The following RALGPS1 variants were observed in gnomAD, a reference collection of about 807,000 sequenced individuals.
The protein encoded by RALGPS1 is Ral GEF with PH domain and SH3 binding motif 1, also known as ras-specific guanine nucleotide-releasing factor RalGPS1.
RALGPS1 carries 19 observed loss-of-function variants against 78.8 expected under a neutral mutation model. That is an observed-to-expected ratio of 0.24 (90% CI 0.17 to 0.35). The LOEUF (loss-of-function observed/expected upper bound fraction) is 0.35, where lower values mean the gene tolerates loss of function less well. Among genes scored for constraint, RALGPS1 ranks in the 10% least tolerant of loss-of-function variants. The pLI is 1.00. For missense variants in RALGPS1, 454 were observed against 688.3 expected (o/e 0.66, Z 3.81); for synonymous variants, 228 against 256.3 (o/e 0.89, Z 1.06).
intron 8 of RALGPS1, among the ~76,000 whole-genome samples, chr9:127,133,919 G>C (rs542619585): frequency 1.4e-3 from 207 of 152,078 alleles, no homozygotes; most frequent in African/African-American, 4.6e-3. Context: ...CTGACTGAGT[G>C]TTGGCCCTGC....
At chr9:127,112,548 A>G (rs1021446424) in intron 8 of RALGPS1, among the ~76,000 whole-genome samples, 2 of 152,224 alleles carry the variant, frequency 1.3e-5, no homozygotes, top group African/African-American at 4.8e-5. Context: ...GATTTGCACT[A>G]TTTATGGTTG....
intron 4 of RALGPS1, among the ~76,000 whole-genome samples, chr9:127,027,971 C>G (rs1441079101): frequency 1.3e-5 from 2 of 152,228 alleles, no homozygotes; most frequent in Admixed American, 6.5e-5. Context: ...AGCCCAGAGT[C>G]TAGCAGGCCA....
intron 8 of RALGPS1, among the ~76,000 whole-genome samples, chr9:127,110,775 G>A (rs533071767): frequency 8.7e-4 from 133 of 152,068 alleles, no homozygotes; most frequent in African/African-American, 2.2e-3. Context: ...CTAATTCACC[G>A]CCAAATTACG....
In RALGPS1 at chr9:127,211,396, T is replaced by C. The variant is rs1348575650; in HGVS notation, c.1248-735T>C. Among the ~76,000 whole-genome samples, 1 of 152,172 alleles carries C rather than the reference T, an allele frequency of 6.6e-6. No individual in the cohort carries two copies. Among genetic ancestry groups the C allele is most frequent in the African/African-American group, 2.4e-5 (1 of 41,432 alleles). On this transcript the variant is annotated intron_variant, in intron 14 of 18. Transcript: ENST00000259351. This position sits in a 1 kb window ranked among gnomAD's most constrained non-coding sequence, Gnocchi z 5.0. Reference sequence around the variant, plus strand: ...CTGAGGTGTAGTGGGATGGCGAAGATGGATGGTCAGACATATTTAGTGCCT... The same window carrying C: ...CTGAGGTGTAGTGGGATGGCGAAGACGGATGGTCAGACATATTTAGTGCCT...
At chr9:127,210,813 C>A in intron 14 of RALGPS1, 1 of 1,513,022 alleles carries the variant, frequency 6.6e-7, no homozygotes, top group Non-Finnish European at 9.0e-7. Context: ...TTGTTTGACA[C>A]ATAGCTTGTT....
At chr9:127,000,107 CT>C (rs2133534063) in intron 4 of RALGPS1, among the ~76,000 whole-genome samples, 1 of 152,136 alleles carries the variant, frequency 6.6e-6, no homozygotes, top group Admixed American at 6.5e-5. Flanking sequence ...TTTTTTTCCC[CT>C]GGTCAGTCCA....
intron 4 of RALGPS1, among the ~76,000 whole-genome samples, chr9:126,997,975 A>G (rs2042928974): frequency 6.6e-6 from 1 of 152,232 alleles, no homozygotes; most frequent in African/African-American, 2.4e-5. Flanking sequence ...ATATGTAGAA[A>G]GCTGAAACTG....
chr9:127,184,321 G>GT, intron 11 of RALGPS1: 1 of 259,080 alleles, frequency 3.9e-6, no homozygotes, highest in Non-Finnish European at 7.6e-6. Context: ...CCTTGTCTCA[G>GT]GAAAAAAAAA....
chr9:127,059,001 C>T (rs1253735104), intron 7 of RALGPS1, among the ~76,000 whole-genome samples: 1 of 152,094 alleles, frequency 6.6e-6, no homozygotes, highest in Non-Finnish European at 1.5e-5. Context: ...GGGAACTATC[C>T]TGGGAGTGGG....
At chr9:126,915,268 G>C (rs1272843505) in intron 1 of RALGPS1, among the ~76,000 whole-genome samples, 2 of 140,480 alleles carry the variant, frequency 1.4e-5, no homozygotes, top group Non-Finnish European at 3.1e-5. Flanking sequence ...AGAGGCGCGG[G>C]CGCGGGGGGC....
intron 4 of RALGPS1, among the ~76,000 whole-genome samples, chr9:127,029,489 G>A (rs1365361718): frequency 6.6e-6 from 1 of 152,228 alleles, no homozygotes; most frequent in African/African-American, 2.4e-5. Flanking sequence ...GAGAAACATG[G>A]AGGGAGGAGG....
rs765434003 is a variant in RALGPS1 at position 127,196,617 on chromosome 9, A to G, written c.1181A>G (p.Asn394Ser). 7.5e-6 allele frequency: 12 copies of G among 1,605,366 alleles called. No homozygotes were observed. Among genetic ancestry groups the G allele is most frequent in the East Asian group, 4.5e-5 (2 of 44,682 alleles). The change falls in exon 13 of 19, where the codon AAT (asparagine) becomes AGT (serine). Residue 394 changes from asparagine to serine, a missense_variant. Asn to Ser is a conservative substitution (Grantham distance 46). Coordinates refer to ENST00000259351, the MANE Select transcript of RALGPS1 (RefSeq NM_014636.3). ...CTGACCTCCTCCTCTGCTGTCACCA[A>G]TGGACTCTCCCTAGGTAAGCGTCTC... is the stretch of plus-strand genomic sequence containing the variant. ...LALTSSSAVTNGLSLGSSESS... is the reference protein window; with the variant it reads ...LALTSSSAVTSGLSLGSSESS...
intron 11 of RALGPS1, among the ~76,000 whole-genome samples, chr9:127,187,511 C>G (rs115473104): frequency 2.6e-5 from 4 of 152,242 alleles, no homozygotes; most frequent in South Asian, 2.1e-4. Context: ...GGCACAGGTA[C>G]AGAGCATAGC....
At chr9:127,155,529 T>A (rs2058662172) in intron 8 of RALGPS1, among the ~76,000 whole-genome samples, 1 of 152,054 alleles carries the variant, frequency 6.6e-6, no homozygotes, top group Non-Finnish European at 1.5e-5. Flanking sequence ...AGGAAGAGGC[T>A]GGAAAGGTAG....
intron 18 of RALGPS1, 89 bp downstream of exon 18, chr9:127,214,931 C>T (rs1268494424): frequency 1.3e-6 from 2 of 1,579,428 alleles, no homozygotes; most frequent in Non-Finnish European, 1.7e-6. Flanking sequence ...TTCCCTTCTT[C>T]TTTCAGAGCC....
intron 5 of RALGPS1, among the ~76,000 whole-genome samples, chr9:127,044,650 G>C (rs887081608): frequency 1.3e-5 from 2 of 152,154 alleles, no homozygotes; most frequent in African/African-American, 4.8e-5. Flanking sequence ...TGATGCTGAG[G>C]TTTTGGAGTA....
intron 1 of RALGPS1, among the ~76,000 whole-genome samples, chr9:126,940,461 A>G (rs1162691781): frequency 7.7e-6 from 1 of 130,510 alleles, no homozygotes; most frequent in Non-Finnish European, 1.6e-5. Context: ...TTTTTTTGAG[A>G]TGGAGTCTCG....
chr9:127,122,938 C>G lies in RALGPS1; in HGVS notation c.611-43131C>G, dbSNP rs543492942. The G allele has an allele frequency of 6.6e-6, 1 of 152,474 alleles. No homozygotes were observed. Among genetic ancestry groups the G allele is most frequent in the Non-Finnish European group, 1.5e-5 (1 of 68,248 alleles). 9.4% of individuals were successfully genotyped at this position (152,474 alleles called of 1,614,324 possible). A position where few individuals can be genotyped will look rare whatever the true frequency, so the allele number is the denominator to read the frequency against. ...GCTCTGCTCCCTGGCCCGCCCTCTC[C>G]CCAAAGCTCAGGCAGCTCCCGCGTG... is the stretch of plus-strand genomic sequence containing the variant. On this transcript the variant is annotated intron_variant, in intron 8 of 18. Transcript: ENST00000259351. The surrounding 1 kb of genome is among the most constrained non-coding windows in gnomAD (Gnocchi z 6.4).
At chr9:127,175,031 A>G (rs1003153029) in intron 11 of RALGPS1, among the ~76,000 whole-genome samples, 4 of 152,184 alleles carry the variant, frequency 2.6e-5, no homozygotes, top group Admixed American at 1.3e-4. Context: ...AACAGCCCCA[A>G]GAGAGGCAGG....
Sources: gnomAD v4.1 joint callset for allele counts (sites outside exome capture counted in the v4.1 genomes callset) on GRCh38, gnomAD v4.1.1 for gene constraint, Gnocchi (gnomAD v3.1) non-coding constraint, MANE v1.5 for transcripts, NCBI Gene and HGNC (gene_info 2026-07-23, HGNC 2026-07-21) for gene names.